CSNK1G3: variants seen among roughly 807,000 people sequenced by gnomAD.
The protein encoded by CSNK1G3 is casein kinase I isoform gamma-3.
A neutral mutation model predicts 64.3 loss-of-function variants in CSNK1G3; 23 were observed. The observed-to-expected ratio is 0.36, with a 90% CI of 0.26 to 0.51. The LOEUF (loss-of-function observed/expected upper bound fraction) is 0.51, where lower values mean the gene tolerates loss of function less well. Among genes scored for constraint, CSNK1G3 ranks in the 20% least tolerant of loss-of-function variants. The pLI is 0.96. For synonymous variants in CSNK1G3, 158 were observed against 162.2 expected, an observed-to-expected ratio of 0.97 and a Z score of 0.20; for missense variants, 357 against 510.5, an observed-to-expected ratio of 0.70 and a Z score of 2.90.
chr5:123,588,927 A>G (rs1472871237), intron 8 of CSNK1G3, among the ~76,000 whole-genome samples: 1 of 152,196 alleles, frequency 6.6e-6, no homozygotes, highest in Non-Finnish European at 1.5e-5. Flanking sequence ...TAAGGCCAGT[A>G]AAACCTTACT....
At chr5:123,601,351 G>A (rs965103385) in intron 10 of CSNK1G3, among the ~76,000 whole-genome samples, 1 of 152,038 alleles carries the variant, frequency 6.6e-6, no homozygotes, top group African/African-American at 2.4e-5. Flanking sequence ...GTGTTAAATA[G>A]GCCAGTTTAT....
chr5:123,555,629 T>G (rs1465933747), intron 3 of CSNK1G3, among the ~76,000 whole-genome samples: 1 of 152,170 alleles, frequency 6.6e-6, no homozygotes, highest in Admixed American at 6.5e-5. Context: ...GGATAATTTG[T>G]TAATATTACC....
chr5:123,553,071 T>C (rs371962179), intron 2 of CSNK1G3, 36 bp from the exon 3 acceptor site: 40 of 1,172,394 alleles, frequency 3.4e-5, no homozygotes, highest in Non-Finnish European at 4.7e-5. Flanking sequence ...TTAAAATCAA[T>C]TACTGGCAGA....
At chr5:123,527,837 G>T (rs997054039) in intron 1 of CSNK1G3, among the ~76,000 whole-genome samples, 1 of 151,994 alleles carries the variant, frequency 6.6e-6, no homozygotes, top group Non-Finnish European at 1.5e-5. Flanking sequence ...TTTATTTTAG[G>T]TTTTTTTCTT....
intron 5 of CSNK1G3, 142 bp downstream of exon 5, chr5:123,573,683 T>G (rs1164227554): frequency 1.6e-5 from 10 of 635,532 alleles, no homozygotes; most frequent in Admixed American, 3.6e-5. Flanking sequence ...TCATGTTGTC[T>G]TTCTGGGATC....
intron 8 of CSNK1G3, among the ~76,000 whole-genome samples, chr5:123,589,849 G>C (rs991841657): frequency 1.3e-5 from 2 of 152,048 alleles, no homozygotes; most frequent in Non-Finnish European, 2.9e-5. Flanking sequence ...CTGTCCTCTT[G>C]TGTTATGTTT....
chr5:123,560,069 G>A (rs549011037), intron 4 of CSNK1G3, among the ~76,000 whole-genome samples: 1 of 152,114 alleles, frequency 6.6e-6, no homozygotes, highest in East Asian at 1.9e-4. Context: ...CAAAGGACTT[G>A]AATAGACAAA....
At chr5:123,530,817 G>A (rs1779797226) in intron 1 of CSNK1G3, among the ~76,000 whole-genome samples, 1 of 152,152 alleles carries the variant, frequency 6.6e-6, no homozygotes, top group African/African-American at 2.4e-5. Flanking sequence ...TGTAATTTTA[G>A]AAATTGATAT....
At chr5:123,601,437 A>G (rs1794483073) in intron 10 of CSNK1G3, among the ~76,000 whole-genome samples, 2 of 152,290 alleles carry the variant, frequency 1.3e-5, no homozygotes, top group Middle Eastern at 3.4e-3. Context: ...ACTAGCCTTT[A>G]CTGAGAGGAT....
At chr5:123,599,496 A>G (rs1794059743) in intron 10 of CSNK1G3, among the ~76,000 whole-genome samples, 1 of 152,242 alleles carries the variant, frequency 6.6e-6, no homozygotes. Flanking sequence ...GAAAAGGATT[A>G]TCTTGAGATG....
At chr5:123,611,080 A>AT (rs1275188078) in intron 12 of CSNK1G3, among the ~76,000 whole-genome samples, 1 of 152,220 alleles carries the variant, frequency 6.6e-6, no homozygotes, top group East Asian at 1.9e-4. Flanking sequence ...ACTGTTTCAG[A>AT]TTAAGTGCTG....
chr5:123,551,808 C>A (rs1368989739), intron 2 of CSNK1G3, among the ~76,000 whole-genome samples: 1 of 152,046 alleles, frequency 6.6e-6, no homozygotes, highest in African/African-American at 2.4e-5. Context: ...CCCCAAAAAA[C>A]TATCATTGTT....
At chr5:123,596,978 C>T (rs908959437) in intron 10 of CSNK1G3, among the ~76,000 whole-genome samples, 11 of 151,666 alleles carry the variant, frequency 7.3e-5, no homozygotes, top group African/African-American at 2.7e-4. Context: ...GTAATGTGAC[C>T]CTTGTGTAAT....
chr5:123,520,172 A>T (rs1650658407), intron 1 of CSNK1G3, among the ~76,000 whole-genome samples: 1 of 152,184 alleles, frequency 6.6e-6, no homozygotes, highest in Non-Finnish European at 1.5e-5. Context: ...ACTGTTTGGG[A>T]CAATTCATTA....
At chr5:123,590,526 G>T in exon 9 of CSNK1G3, 1 of 1,525,958 alleles carries the variant, frequency 6.6e-7, no homozygotes, top group South Asian at 1.3e-5. Flanking sequence ...ATATATGTTT[G>T]ATTATGAATA....
chr5:123,557,460 A>G lies in CSNK1G3; in HGVS notation c.220-35A>G, dbSNP rs374465627. Reference sequence around the variant, plus strand: ...GTTGGGACCTAGTGCTCTTTTAATAACTTAAATGTCTTTTTTTGTTTGTTT... The same window carrying G: ...GTTGGGACCTAGTGCTCTTTTAATAGCTTAAATGTCTTTTTTTGTTTGTTT... On this transcript the variant is annotated intron_variant, in intron 3 of 12. Coordinates refer to ENST00000345990, the Ensembl canonical transcript of CSNK1G3. 37 of 1,542,810 alleles carry G rather than the reference A, an allele frequency of 2.4e-5. No homozygotes were observed. The African/African-American group carries it at 4.5e-4, about 19-fold the overall frequency.
chr5:123,573,575 C>G, intron 5 of CSNK1G3, 34 bp downstream of exon 5: 1 of 1,541,050 alleles, frequency 6.5e-7, no homozygotes, highest in Non-Finnish European at 8.8e-7. Flanking sequence ...GTTGTTTGAA[C>G]AATTACATGG....
At chr5:123,590,637 G>A in intron 9 of CSNK1G3, 79 bp downstream of exon 9, 2 of 891,774 alleles carry the variant, frequency 2.2e-6, no homozygotes, top group Admixed American at 3.0e-5. Flanking sequence ...ATTGAAAAGA[G>A]TTGAGAACAA....
At chr5:123,596,183 A>G (rs1261328853) in intron 10 of CSNK1G3, among the ~76,000 whole-genome samples, 2 of 152,004 alleles carry the variant, frequency 1.3e-5, no homozygotes, top group Admixed American at 1.3e-4. Context: ...TAAATTATAT[A>G]ATGGAGTACT....
Sources: allele counts gnomAD v4.1 joint callset (sites outside exome capture counted in the v4.1 genomes callset), GRCh38; gene constraint gnomAD v4.1.1; transcripts MANE v1.5; gene names NCBI Gene and HGNC (gene_info 2026-07-23, HGNC 2026-07-21).